FBXL20: variants seen among roughly 807,000 people sequenced by gnomAD.
The protein encoded by FBXL20 is F-box and leucine rich repeat protein 20.
Under a neutral mutation model 64.0 loss-of-function variants are expected in FBXL20, and 11 were observed. The observed-to-expected ratio is 0.17, with a 90% CI of 0.11 to 0.28. The LOEUF (loss-of-function observed/expected upper bound fraction) is 0.28, where lower values mean the gene tolerates loss of function less well. Ranked by LOEUF, FBXL20 falls within the 10% of genes least tolerant of loss-of-function variation. The pLI, the probability that FBXL20 is intolerant of heterozygous loss-of-function variation, is 1.00. For missense variants in FBXL20, 303 were observed against 526.2 expected (o/e 0.58, Z 4.15); for synonymous variants, 184 against 189.0 (o/e 0.97, Z 0.22).
At chr17:39,391,847 GA>G (rs748502324) in intron 1 of FBXL20, among the ~76,000 whole-genome samples, 2,123 of 136,518 alleles carry the variant, frequency 0.016, 34 homozygotes, top group African/African-American at 0.045. Context: ...CTCTAAAAAG[GA>G]AAAAAAAAAA....
intron 1 of FBXL20, among the ~76,000 whole-genome samples, chr17:39,355,855 CAAAAAAAAAAAA>C (rs746086439): frequency 1.5e-5 from 1 of 67,618 alleles, no homozygotes; most frequent in South Asian, 6.5e-4. Flanking sequence ...GACTTCGTCT[CAAAAAAAAAAAA>C]AAAAAAAAAG....
intron 1 of FBXL20, among the ~76,000 whole-genome samples, chr17:39,401,134 G>A (rs1328916614): frequency 6.6e-6 from 1 of 152,186 alleles, no homozygotes; most frequent in East Asian, 1.9e-4. Context: ...AATCCCCCGC[G>A]GGGGCCCGCT....
intron 2 of FBXL20, among the ~76,000 whole-genome samples, chr17:39,317,677 GTT>G (rs930367907): frequency 1.7e-5 from 2 of 115,148 alleles, no homozygotes; most frequent in South Asian, 3.6e-4. Context: ...GTTTGACTTT[GTT>G]TTTTTTTTTG....
rs2046736678 is a variant in FBXL20 at position 39,260,607 on chromosome 17, A to G, written c.*853T>C. The G allele has an allele frequency of 1.3e-5, 2 of 152,384 alleles. No homozygotes were observed. Among genetic ancestry groups the G allele is most frequent in the East Asian group, 1.9e-4 (1 of 5,202 alleles). The allele number at this position is 152,384 out of a possible 1,614,324, so 9.4% of individuals were successfully genotyped here. A position where few individuals can be genotyped will look rare whatever the true frequency, so the allele number is the denominator to read the frequency against. On this transcript the variant is annotated 3_prime_UTR_variant, in exon 15 of 15. Coordinates refer to ENST00000264658, the MANE Select transcript of FBXL20 (RefSeq NM_032875.3). ...AATGGTAAAATTTAGAATTAAAAAAATATTTATTGATAATATCTTTTTAAA... is the reference window on the plus strand; with the variant it reads ...AATGGTAAAATTTAGAATTAAAAAAGTATTTATTGATAATATCTTTTTAAA...
intron 1 of FBXL20, among the ~76,000 whole-genome samples, chr17:39,375,212 T>C (rs2047955692): frequency 2.0e-5 from 3 of 152,168 alleles, no homozygotes; most frequent in Admixed American, 1.3e-4. Flanking sequence ...GCCCAAGTAG[T>C]TGTTGCGGCC....
At chr17:39,352,050 C>T (rs190037382) in intron 1 of FBXL20, among the ~76,000 whole-genome samples, 4 of 152,160 alleles carry the variant, frequency 2.6e-5, no homozygotes, top group Non-Finnish European at 5.9e-5. Context: ...TGTGCACGCG[C>T]GTGCACGCTA....
intron 1 of FBXL20, among the ~76,000 whole-genome samples, chr17:39,367,908 C>A (rs918651099): frequency 7.3e-5 from 11 of 151,678 alleles, no homozygotes; most frequent in African/African-American, 2.4e-5. Context: ...GAACTACAGG[C>A]ACGCCCCACC....
In FBXL20 at chr17:39,261,285, T is replaced by C; in HGVS notation, c.*175A>G. 5 of 546,510 alleles carry C rather than the reference T, an allele frequency of 9.1e-6. 1 individual carries two copies. In the South Asian group the frequency reaches 1.0e-4, roughly 11 times the overall value. 33.9% of individuals were successfully genotyped at this position (546,510 alleles called of 1,614,324 possible). On this transcript the variant is annotated 3_prime_UTR_variant, in exon 15 of 15. Coordinates refer to ENST00000264658, the MANE Select transcript of FBXL20 (RefSeq NM_032875.3). Reference sequence around the variant, plus strand: ...CCCATGGTCACAAAGCTAGAGTGGATGGGGGTAAGGGTGTGTATGTGTATG... The same window carrying C: ...CCCATGGTCACAAAGCTAGAGTGGACGGGGGTAAGGGTGTGTATGTGTATG...
chr17:39,350,930 C>T (rs982563053), intron 1 of FBXL20, among the ~76,000 whole-genome samples: 1 of 152,040 alleles, frequency 6.6e-6, no homozygotes, highest in South Asian at 2.1e-4. Flanking sequence ...TACTGATGTA[C>T]CCTAAAGTTT....
At chr17:39,369,593 C>T (rs868293964) in intron 1 of FBXL20, among the ~76,000 whole-genome samples, 1 of 152,028 alleles carries the variant, frequency 6.6e-6, no homozygotes, top group South Asian at 2.1e-4. Context: ...CCTCATGATC[C>T]ACCCGGCTTG....
upstream of FBXL20, chr17:39,402,413 G>T (rs2048258565): frequency 2.5e-6 from 1 of 396,756 alleles, no homozygotes; most frequent in Admixed American, 4.5e-5. Flanking sequence ...GAGGGTGGTT[G>T]CGCTGAGCAA....
chr17:39,311,022 G>T (rs887077029), intron 2 of FBXL20, among the ~76,000 whole-genome samples: 1 of 151,304 alleles, frequency 6.6e-6, no homozygotes, highest in South Asian at 2.1e-4. Flanking sequence ...AATCAGCTGC[G>T]CATGGTGGTA....
chr17:39,397,393 T>C (rs1348097110), intron 1 of FBXL20, among the ~76,000 whole-genome samples: 1 of 152,214 alleles, frequency 6.6e-6, no homozygotes, highest in Non-Finnish European at 1.5e-5. Flanking sequence ...GGTTCTTATC[T>C]CCAGGCACTG....
chr17:39,307,476 T>C (rs34729392), intron 2 of FBXL20, among the ~76,000 whole-genome samples: 4,910 of 152,182 alleles, frequency 0.032, 277 homozygotes, highest in African/African-American at 0.11. Context: ...AAGATCAGAA[T>C]AGACAGTGAA....
At chr17:39,382,092 CAAAAA>C (rs36115875) in intron 1 of FBXL20, among the ~76,000 whole-genome samples, 1 of 71,414 alleles carries the variant, frequency 1.4e-5, no homozygotes, top group Non-Finnish European at 2.9e-5. Context: ...GACTCCGTCT[CAAAAA>C]AAAAAAAAAA....
rs1296506357 is a variant in FBXL20, at chr17:39,256,334, A to AG, written c.*5125_*5126insC. 6.6e-6 allele frequency: 1 copy of AG among 152,002 alleles called. No homozygotes were observed. The highest frequency in any genetic ancestry group is 2.4e-5 in the African/African-American group (1 of 41,382). The allele number at this position is 152,002 out of a possible 1,614,324, so 9.4% of individuals were successfully genotyped here. A position where few individuals can be genotyped will look rare whatever the true frequency, so the allele number is the denominator to read the frequency against. ...AGACTCCATGTCAAAAAAAAAAAAA[A>AG]AAAAAAGAAATATAGGCGAGGAAAG... On this transcript the variant is annotated 3_prime_UTR_variant, in exon 15 of 15. Transcript: ENST00000264658.
At chr17:39,380,612 T>TAA (rs1449466935) in intron 1 of FBXL20, among the ~76,000 whole-genome samples, 105 of 152,276 alleles carry the variant, frequency 6.9e-4, no homozygotes, top group African/African-American at 2.4e-3. Context: ...TTCCCCCCTT[T>TAA]CCTGCCCTTT....
chr17:39,380,501 CCA>C (rs1228126643), intron 1 of FBXL20, among the ~76,000 whole-genome samples: 1 of 152,164 alleles, frequency 6.6e-6, no homozygotes, highest in African/African-American at 2.4e-5. Flanking sequence ...CCTCTGATAA[CCA>C]CACACCTTGC....
intron 1 of FBXL20, among the ~76,000 whole-genome samples, chr17:39,395,877 C>G (rs1170760156): frequency 3.3e-5 from 5 of 152,024 alleles, no homozygotes; most frequent in African/African-American, 1.2e-4. Context: ...AGGCTGGATC[C>G]TGAGAGGCAA....
Sources: allele counts gnomAD v4.1 joint callset (sites outside exome capture counted in the v4.1 genomes callset), GRCh38; gene constraint gnomAD v4.1.1; transcripts MANE v1.5; gene names NCBI Gene and HGNC (gene_info 2026-07-23, HGNC 2026-07-21).